The following SMIM14 variants were observed in gnomAD, a reference collection of about 807,000 sequenced individuals.
SMIM14 encodes chromosome 4 open reading frame 34.
In SMIM14, 5 loss-of-function variants were observed where a neutral mutation model predicts 12.6. The observed-to-expected ratio is 0.40, with a 90% confidence interval of 0.21 to 0.83. The LOEUF is 0.83. SMIM14 is among the 40% of genes least tolerant of loss of function. SMIM14 has a pLI of 0.37. For synonymous variants in SMIM14, 30 were observed against 40.1 expected (o/e 0.75, Z 0.95); for missense variants, 86 against 119.1 (o/e 0.72, Z 1.29).
intron 2 of SMIM14, among the ~76,000 whole-genome samples, chr4:39,597,892 A>G (rs549707823): frequency 2.6e-5 from 4 of 152,174 alleles, no homozygotes; most frequent in Non-Finnish European, 4.4e-5. Flanking sequence ...AGCTTCCCTA[A>G]TCAAGGAAGT....
chr4:39,570,594 C>A (rs1029075849), intron 3 of SMIM14, among the ~76,000 whole-genome samples: 1 of 152,106 alleles, frequency 6.6e-6, no homozygotes, highest in Non-Finnish European at 1.5e-5. Flanking sequence ...TATCAGCAAC[C>A]TAAGGTTCTA....
chr4:39,601,223 A>G (rs73240619), intron 2 of SMIM14, among the ~76,000 whole-genome samples: 41,678 of 152,110 alleles, frequency 0.27, 6,328 homozygotes, highest in Non-Finnish European at 0.35. Flanking sequence ...CTAATGACCT[A>G]ACCTGTAAAT....
At chr4:39,625,848 A>G (rs551794550) in intron 1 of SMIM14, among the ~76,000 whole-genome samples, 12 of 152,236 alleles carry the variant, frequency 7.9e-5, no homozygotes, top group Non-Finnish European at 1.6e-4. Context: ...ACAGAAGTTT[A>G]TTTTCCACAG....
intron 1 of SMIM14, among the ~76,000 whole-genome samples, chr4:39,622,163 A>T (rs2110075573): frequency 6.6e-6 from 1 of 151,702 alleles, no homozygotes; most frequent in South Asian, 2.1e-4. Context: ...GGTTCACTGC[A>T]AGCTCCGCCT....
chr4:39,618,160 C>A (rs1715292080), intron 1 of SMIM14, among the ~76,000 whole-genome samples: 1 of 152,120 alleles, frequency 6.6e-6, no homozygotes, highest in African/African-American at 2.4e-5. Context: ...CAAGTCTTGG[C>A]AAATACAGAA....
At chr4:39,622,608 C>T (rs1343980073) in intron 1 of SMIM14, among the ~76,000 whole-genome samples, 1 of 152,150 alleles carries the variant, frequency 6.6e-6, no homozygotes, top group Admixed American at 6.5e-5. Flanking sequence ...AGCATGTTGG[C>T]CAGGCTCGTC....
intron 2 of SMIM14, chr4:39,589,779 A>C (rs1713965589): frequency 6.6e-6 from 1 of 152,188 alleles, no homozygotes; most frequent in African/African-American, 2.4e-5. Context: ...ACAGTGGCTC[A>C]CATCTGTAAT....
chr4:39,597,078 G>A lies in SMIM14; in HGVS notation c.75+7993C>T, dbSNP rs370996233. Among the ~76,000 whole-genome samples the A allele has an allele frequency of 1.3e-3, 183 of 146,356 alleles. 1 individual carries two copies. Among genetic ancestry groups the A allele is most frequent in the African/African-American group, 4.5e-3 (180 of 39,708 alleles). ...GGGATGAGCCACGGTGCCCGGCCCA[G>A]GTTTCCCTTTTTTTTTTTTTTTTTT... is the stretch of plus-strand genomic sequence containing the variant. On this transcript the variant is annotated intron_variant, in intron 2 of 4. Transcript: ENST00000295958.
chr4:39,576,678 ATATATATTTTTTTTTTTTTTT>A (rs1713202638), intron 2 of SMIM14, among the ~76,000 whole-genome samples: 9 of 29,922 alleles, frequency 3.0e-4, no homozygotes, highest in African/African-American at 1.1e-3. Context: ...ATATATATAT[ATATATATTTTTTTTTTTTTTT>A]TTTTTTTTTT....
chr4:39,569,672 G>T (rs1712780554), intron 3 of SMIM14, among the ~76,000 whole-genome samples: 1 of 152,018 alleles, frequency 6.6e-6, no homozygotes, highest in African/African-American at 2.4e-5. Context: ...GGGTGGCGGA[G>T]GTTGCAGTGA....
chr4:39,601,747 G>A (rs559281635), intron 2 of SMIM14, among the ~76,000 whole-genome samples: 1 of 152,130 alleles, frequency 6.6e-6, no homozygotes, highest in East Asian at 1.9e-4. Context: ...AGGAGTTCGA[G>A]ACCACCCTGG....
At chr4:39,627,739 C>G (rs1271399097) in intron 1 of SMIM14, among the ~76,000 whole-genome samples, 1 of 152,298 alleles carries the variant, frequency 6.6e-6, no homozygotes, top group Non-Finnish European at 1.5e-5. Flanking sequence ...GTCTTCTGTT[C>G]TTAATCTTGG....
At chr4:39,624,632 T>C (rs1298948291) in intron 1 of SMIM14, among the ~76,000 whole-genome samples, 1 of 152,002 alleles carries the variant, frequency 6.6e-6, no homozygotes, top group Non-Finnish European at 1.5e-5. Context: ...AAGACCAGCC[T>C]GGCCAACATG....
intron 4 of SMIM14, 97 bp from the exon 5 acceptor site, chr4:39,552,255 C>T (rs1711756227): frequency 1.0e-6 from 1 of 993,504 alleles, no homozygotes; most frequent in African/African-American, 1.7e-5. Context: ...TATTAAATCC[C>T]AGTGCAACCA....
intron 2 of SMIM14, among the ~76,000 whole-genome samples, chr4:39,592,499 CT>C: frequency 6.6e-6 from 1 of 152,156 alleles, no homozygotes; most frequent in South Asian, 2.1e-4. Context: ...TGAGAGGATA[CT>C]TTTCTTCTAT....
Position 39,551,474 on chromosome 4 carries a change from TG to T in SMIM14, c.*651del, listed in dbSNP as rs930986254. The T allele has an allele frequency of 7.9e-5, 12 of 152,654 alleles. No homozygotes were observed. The highest frequency in any genetic ancestry group is 2.9e-4 in the African/African-American group (12 of 41,454). 9.5% of individuals were successfully genotyped at this position (152,654 alleles called of 1,614,324 possible). A position where few individuals can be genotyped will look rare whatever the true frequency, so the allele number is the denominator to read the frequency against. On this transcript the variant is annotated 3_prime_UTR_variant, in exon 5 of 5. Transcript: ENST00000295958. ...TTTTCTTAACATTAGAGATTTTTAA[TG>T]GGAGTATAAAATTAGTAAACAACCA...
At chr4:39,580,411 C>G (rs1713436357) in intron 2 of SMIM14, among the ~76,000 whole-genome samples, 1 of 152,102 alleles carries the variant, frequency 6.6e-6, no homozygotes, top group South Asian at 2.1e-4. Context: ...AACTTCTAGG[C>G]TCAAGGAATC....
intron 1 of SMIM14, among the ~76,000 whole-genome samples, chr4:39,617,446 G>A (rs952406930): frequency 1.3e-5 from 2 of 152,128 alleles, no homozygotes; most frequent in Non-Finnish European, 2.9e-5. Context: ...CTCAACCATA[G>A]CCATTAGCTC....
At chr4:39,613,420 C>G (rs1056990047) in intron 1 of SMIM14, among the ~76,000 whole-genome samples, 23 of 152,200 alleles carry the variant, frequency 1.5e-4, no homozygotes, top group Non-Finnish European at 1.2e-4. Flanking sequence ...AGTACTACTC[C>G]GTTTTCAGTT....
Sources: gnomAD v4.1 joint callset for allele counts (sites outside exome capture counted in the v4.1 genomes callset) on GRCh38, gnomAD v4.1.1 for gene constraint, MANE v1.5 for transcripts, NCBI Gene and HGNC (gene_info 2026-07-23, HGNC 2026-07-21) for gene names.